NF1: variants seen among roughly 807,000 people sequenced by gnomAD.
The protein encoded by NF1 is neurofibromin.
NF1 carries 122 observed loss-of-function variants against 325.7 expected under a neutral mutation model. The ratio of observed to expected loss-of-function variants is 0.37; its 90% CI spans 0.32 to 0.44. NF1 has a LOEUF of 0.44. Ranked by LOEUF, NF1 falls within the 20% of genes least tolerant of loss-of-function variation. The pLI is 1.00. For synonymous variants in NF1, 1,091 were observed against 1,186.0 expected (o/e 0.92, Z 1.65); for missense variants, 2,140 against 3,415.4 (o/e 0.63, Z 9.31).
At chr17:31,185,801 T>C (rs1463765504) in intron 8 of NF1, among the ~76,000 whole-genome samples, 2 of 152,216 alleles carry the variant, frequency 1.3e-5, no homozygotes, top group Non-Finnish European at 2.9e-5. Context: ...TTGGGCCATA[T>C]GACCCAACAG....
At chr17:31,321,533 T>C (rs2069192891) in intron 36 of NF1, 1 of 152,190 alleles carries the variant, frequency 6.6e-6, no homozygotes, top group Admixed American at 6.5e-5. Flanking sequence ...TATAACGTGA[T>C]TTTGATAAAC....
rs16972133 is a variant in NF1, at chr17:31,269,171, A to C, written c.4835+3832A>C. Among the ~76,000 whole-genome samples, 1,193 of 152,244 alleles carry C rather than the reference A, an allele frequency of 7.8e-3. 21 individuals are homozygous for C. The highest frequency in any genetic ancestry group is 0.027 in the African/African-American group (1,142 of 41,528). On this transcript the variant is annotated intron_variant, in intron 36 of 57. Coordinates refer to ENST00000358273, the MANE Select transcript of NF1 (RefSeq NM_001042492.3). ...CCTTCATCACCAGTTGACTACTTCTAGGTAATCTTAACATTTCTTCTGGAG... is the reference window on the plus strand; with the variant it reads ...CCTTCATCACCAGTTGACTACTTCTCGGTAATCTTAACATTTCTTCTGGAG...
intron 8 of NF1, among the ~76,000 whole-genome samples, chr17:31,188,480 T>A (rs887963964): frequency 2.0e-5 from 3 of 152,246 alleles, no homozygotes; most frequent in Admixed American, 2.0e-4. Context: ...ATAATTGTAT[T>A]ATGTTAGGCA....
rs1060500385 is a variant in NF1, at chr17:31,349,244, C to T, written c.7314C>T (p.Tyr2438=). ...KFEVNTQSVA[Y]LAALLTVSEE... ...AAGTGAATACACAGAGCGTGGCCTACTTAGCAGGTAAAAACACAAAATAAA... is the reference window on the plus strand; with the variant it reads ...AAGTGAATACACAGAGCGTGGCCTATTTAGCAGGTAAAAACACAAAATAAA... Residue 2438 remains tyrosine, a synonymous_variant, in exon 49 of 58, where the codon TAC becomes TAT. Coordinates refer to ENST00000358273, the MANE Select transcript of NF1 (RefSeq NM_001042492.3). The T allele has an allele frequency of 2.5e-6, 4 of 1,612,706 alleles. No homozygotes were observed. In the African/African-American group the frequency reaches 4.0e-5, roughly 16 times the overall value.
intron 36 of NF1, chr17:31,294,706 A>G (rs528232571): frequency 1.0e-4 from 43 of 410,922 alleles, no homozygotes; most frequent in Admixed American, 2.6e-4. Context: ...CATAAAATAC[A>G]TATTAAAGTT....
At chr17:31,299,265 A>C (rs1301394589) in intron 36 of NF1, among the ~76,000 whole-genome samples, 1 of 144,806 alleles carries the variant, frequency 6.9e-6, no homozygotes, top group African/African-American at 2.7e-5. Context: ...GTACCCTAAA[A>C]CTTAAAGTAT....
At position 31,337,439 on chromosome 17, in the gene NF1, A is replaced by C. The variant is rs2069704731; in HGVS notation, c.6499A>C (p.Ile2167Leu). The C allele has an allele frequency of 6.2e-7, 1 of 1,614,136 alleles. No homozygotes were observed. Among genetic ancestry groups the C allele is most frequent in the Non-Finnish European group, 8.5e-7 (1 of 1,179,986 alleles). Reference sequence around the variant, plus strand: ...ACCCAAATTTTACTTGCTGTTTGGCATTAGCAAAGTCAAGTCAGCTGCTGT... The same window carrying C: ...ACCCAAATTTTACTTGCTGTTTGGCCTTAGCAAAGTCAAGTCAGCTGCTGT... ...SLPKFYLLFGISKVKSAAVIA... is the reference protein window; with the variant it reads ...SLPKFYLLFGLSKVKSAAVIA... The change falls in exon 43 of 58, where the codon ATT (isoleucine) becomes CTT (leucine). Residue 2167 changes from isoleucine to leucine, a missense_variant. Coordinates refer to ENST00000358273, the MANE Select transcript of NF1 (RefSeq NM_001042492.3).
rs1159021089 is a variant in NF1 at position 31,248,783 on chromosome 17, A to G, written c.3975-201A>G. Among the ~76,000 whole-genome samples the G allele has an allele frequency of 4.0e-5, 6 of 151,720 alleles. No homozygotes were observed. In the South Asian group the frequency reaches 1.0e-3, roughly 26 times the overall value. On this transcript the variant is annotated intron_variant, in intron 29 of 57. Coordinates refer to ENST00000358273, the MANE Select transcript of NF1 (RefSeq NM_001042492.3). ...AATGATCTGTCAGCCTTGGCCTCCC[A>G]AAGTACTGGGATTGCAGGCGTAAGC...
chr17:31,232,658 T>TA (rs1555614912), intron 25 of NF1, 42 bp from the exon 26 acceptor site: 3 of 1,573,078 alleles, frequency 1.9e-6, no homozygotes, highest in East Asian at 2.2e-5. Context: ...TTCTAGTTGA[T>TA]ACGGCCTTCA....
intron 36 of NF1, chr17:31,296,407 G>A (rs1027402252): frequency 7.3e-6 from 11 of 1,506,986 alleles, no homozygotes; most frequent in Non-Finnish European, 1.8e-6. Flanking sequence ...GGGTCAGTTA[G>A]CATTAGGCAA....
chr17:31,124,592 A>ATTTTTTTTTTTTTTT (rs35335433), intron 1 of NF1, among the ~76,000 whole-genome samples: 2 of 62,916 alleles, frequency 3.2e-5, no homozygotes, highest in Non-Finnish European at 5.8e-5. Flanking sequence ...GTATTCTTGA[A>ATTTTTTTTTTTTTTT]TTTTTTTTTT....
At chr17:31,195,471 A>G (rs1320757871) in intron 8 of NF1, among the ~76,000 whole-genome samples, 1 of 152,144 alleles carries the variant, frequency 6.6e-6, no homozygotes, top group East Asian at 1.9e-4. Context: ...TCGTTGTGCA[A>G]TCAATCTCCA....
rs113128446 is a variant in NF1 at position 31,308,071 on chromosome 17, T to G, written c.4836-17749T>G. 1.9e-3 allele frequency: 675 copies of G among 362,882 alleles called. 6 individuals are homozygous for G. The highest frequency in any genetic ancestry group is 0.013 in the African/African-American group (630 of 47,476). 22.5% of individuals were successfully genotyped at this position (362,882 alleles called of 1,614,324 possible). On this transcript the variant is annotated intron_variant, in intron 36 of 57. Transcript: ENST00000358273. ...CTCCTGCACACTGCTGAATTAATCT[T>G]AAAAGTGTGCATGATCAGGTTACTA...
chr17:31,324,857 C>A (rs2069302782), intron 36 of NF1, among the ~76,000 whole-genome samples: 1 of 152,206 alleles, frequency 6.6e-6, no homozygotes, highest in Non-Finnish European at 1.5e-5. Flanking sequence ...CCACTGTGCC[C>A]AGCCCTGATT....
At chr17:31,201,292 C>A in intron 10 of NF1, 119 bp from the exon 11 acceptor site, 1 of 1,474,114 alleles carries the variant, frequency 6.8e-7, no homozygotes, top group Non-Finnish European at 9.4e-7. Flanking sequence ...CGTTTCAAGA[C>A]CTTAAAAACT....
rs1186560791 is a variant in NF1, at chr17:31,258,384, T to C, written c.4214T>C (p.Val1405Ala). 4 of 1,613,978 alleles carry C rather than the reference T, an allele frequency of 2.5e-6. No homozygotes were observed. In the South Asian group the frequency reaches 4.4e-5, roughly 18 times the overall value. Residue 1405 changes from valine to alanine, a missense_variant, in exon 32 of 58, where the codon GTA becomes GCA. Coordinates refer to ENST00000358273, the MANE Select transcript of NF1 (RefSeq NM_001042492.3). ...QRFPQNSIGA[V>A]GSAMFLRFIN... ...TTCCCTCAGAACAGCATCGGTGCAGTAGGAAGTGCCATGTTCCTCAGATTT... is the reference window on the plus strand; with the variant it reads ...TTCCCTCAGAACAGCATCGGTGCAGCAGGAAGTGCCATGTTCCTCAGATTT...
chr17:31,318,022 G>C (rs560761831), intron 36 of NF1: 1 of 351,586 alleles, frequency 2.8e-6, no homozygotes, highest in East Asian at 5.3e-5. Flanking sequence ...ATTATCCCTT[G>C]CTATCTCTAT....
At chr17:31,206,418 T>C in intron 12 of NF1, 47 bp downstream of exon 12, 1 of 1,610,520 alleles carries the variant, frequency 6.2e-7, no homozygotes, top group South Asian at 1.1e-5. Flanking sequence ...TCTATTGCAT[T>C]TTTTTTAGTG....
At chr17:31,352,633 CT>C (rs977866875) in intron 51 of NF1, among the ~76,000 whole-genome samples, 13 of 151,992 alleles carry the variant, frequency 8.6e-5, no homozygotes, top group African/African-American at 3.1e-4. Context: ...TTTTCTGAAT[CT>C]TATACTAAAT....
Sources: gnomAD v4.1 joint callset for allele counts (sites outside exome capture counted in the v4.1 genomes callset) on GRCh38, gnomAD v4.1.1 for gene constraint, MANE v1.5 for transcripts, NCBI Gene and HGNC (gene_info 2026-07-23, HGNC 2026-07-21) for gene names.